ENTREP2: variants seen among roughly 807,000 people sequenced by gnomAD.
ENTREP2 encodes protein ENTREP2.
At chr15:29,166,354 C>A in the ENTREP2 span, among the ~76,000 whole-genome samples, 1 of 152,094 alleles carries the variant, frequency 6.6e-6, no homozygotes, top group African/African-American at 2.4e-5. Flanking sequence ...TACAGGGCAT[C>A]CAAGTTGGTA....
At chr15:29,224,456 T>C in the ENTREP2 span, among the ~76,000 whole-genome samples, 1 of 152,200 alleles carries the variant, frequency 6.6e-6, no homozygotes, top group Non-Finnish European at 1.5e-5. Flanking sequence ...ACCCACATCC[T>C]GCTGATTGGT....
At chr15:29,552,244 A>AG in the ENTREP2 span, among the ~76,000 whole-genome samples, 1 of 152,214 alleles carries the variant, frequency 6.6e-6, no homozygotes, top group East Asian at 1.9e-4. Flanking sequence ...GGGAGACAGA[A>AG]GGGGAAATGT....
At chr15:29,131,425 C>A in the ENTREP2 span, among the ~76,000 whole-genome samples, 2 of 151,484 alleles carry the variant, frequency 1.3e-5, no homozygotes, top group Admixed American at 1.3e-4. Context: ...TGGGTCGCAC[C>A]CAAGACGCCA....
the ENTREP2 span, among the ~76,000 whole-genome samples, chr15:29,219,621 AT>A: frequency 2.6e-4 from 4 of 15,124 alleles, no homozygotes; most frequent in South Asian, 3.9e-3. Context: ...ATAAATATAT[AT>A]ATATATATAT....
At chr15:29,367,670 C>T in the ENTREP2 span, among the ~76,000 whole-genome samples, 1 of 152,168 alleles carries the variant, frequency 6.6e-6, no homozygotes, top group Non-Finnish European at 1.5e-5. Context: ...CAGATGACAA[C>T]TGCCTTGCAG....
the ENTREP2 span, chr15:29,269,582 C>A: frequency 1.3e-6 from 2 of 1,542,876 alleles, no homozygotes; most frequent in Non-Finnish European, 1.7e-6. Context: ...TCGGCAAAGC[C>A]GTCTCTGAGA....
chr15:29,238,638 A>C, the ENTREP2 span, among the ~76,000 whole-genome samples: 1,053 of 148,568 alleles, frequency 7.1e-3, 10 homozygotes, highest in African/African-American at 0.024. Flanking sequence ...CCATCTCAGA[A>C]AAAAAAAAAG....
chr15:29,668,268 G>C, the ENTREP2 span, among the ~76,000 whole-genome samples: 4 of 152,120 alleles, frequency 2.6e-5, no homozygotes, highest in African/African-American at 9.7e-5. Flanking sequence ...CCGGGGAAAC[G>C]CAACAGAAAT....
chr15:29,451,375 G>A, the ENTREP2 span, among the ~76,000 whole-genome samples: 2 of 152,098 alleles, frequency 1.3e-5, no homozygotes, highest in Non-Finnish European at 2.9e-5. Context: ...GAGTCTGCAG[G>A]ACCAGGCCAG....
the ENTREP2 span, among the ~76,000 whole-genome samples, chr15:29,263,795 T>C: frequency 6.6e-6 from 1 of 152,052 alleles, no homozygotes; most frequent in Non-Finnish European, 1.5e-5. Context: ...TGAATTCCAT[T>C]CTCCACCAAA....
At chr15:29,393,135 G>A in the ENTREP2 span, among the ~76,000 whole-genome samples, 1 of 152,194 alleles carries the variant, frequency 6.6e-6, no homozygotes, top group Non-Finnish European at 1.5e-5. Flanking sequence ...TGTCCCAGGA[G>A]GGTATCAAAG....
At chr15:29,323,592 A>C in the ENTREP2 span, among the ~76,000 whole-genome samples, 1 of 152,112 alleles carries the variant, frequency 6.6e-6, no homozygotes, top group African/African-American at 2.4e-5. Flanking sequence ...GGGAACCCCA[A>C]ATGAAAGCTG....
At chr15:29,308,127 C>A in the ENTREP2 span, among the ~76,000 whole-genome samples, 39,819 of 152,028 alleles carry the variant, frequency 0.26, 5,470 homozygotes, top group Non-Finnish European at 0.3. Flanking sequence ...TCCATAAACT[C>A]TGACCTCAAC....
the ENTREP2 span, among the ~76,000 whole-genome samples, chr15:29,148,198 A>G: frequency 1.3e-5 from 2 of 152,184 alleles, no homozygotes; most frequent in Non-Finnish European, 2.9e-5. Context: ...GGATAATAAA[A>G]ATGTTCTAAA....
chr15:29,596,085 C>A, the ENTREP2 span, among the ~76,000 whole-genome samples: 6 of 152,148 alleles, frequency 3.9e-5, no homozygotes, highest in African/African-American at 1.4e-4. Context: ...ACTGGGGAGT[C>A]ATTGCTTCAT....
At chr15:29,369,627 G>A in the ENTREP2 span, among the ~76,000 whole-genome samples, 6 of 152,020 alleles carry the variant, frequency 3.9e-5, no homozygotes, top group Non-Finnish European at 5.9e-5. Flanking sequence ...CCAGGTGCAC[G>A]AGCGTGTGCA....
the ENTREP2 span, among the ~76,000 whole-genome samples, chr15:29,606,832 T>A: frequency 6.6e-6 from 1 of 151,958 alleles, no homozygotes; most frequent in African/African-American, 2.4e-5. Context: ...TTTCTTTCTT[T>A]CTTTCTTTCT....
the ENTREP2 span, among the ~76,000 whole-genome samples, chr15:29,292,296 TTC>T: frequency 2.0e-5 from 3 of 152,136 alleles, no homozygotes; most frequent in Non-Finnish European, 4.4e-5. Flanking sequence ...CTTTCTTTCC[TTC>T]TTTTTCTCTT....
chr15:29,434,157 T>C, the ENTREP2 span, among the ~76,000 whole-genome samples: 1 of 152,228 alleles, frequency 6.6e-6, no homozygotes, highest in Non-Finnish European at 1.5e-5. Flanking sequence ...TCTTGAGTTT[T>C]AGGAATTCAG....
Sources: allele counts gnomAD v4.1 joint callset (sites outside exome capture counted in the v4.1 genomes callset), GRCh38; gene constraint gnomAD v4.1.1; transcripts MANE v1.5; gene names NCBI Gene and HGNC (gene_info 2026-07-23, HGNC 2026-07-21).